VPS13A: variants seen among roughly 807,000 people sequenced by gnomAD.
VPS13A encodes the protein intermembrane lipid transfer protein VPS13A.
In VPS13A, 264 loss-of-function variants were observed where a neutral mutation model predicts 390.9. The ratio of observed to expected loss-of-function variants is 0.68; its 90% CI spans 0.61 to 0.75. The LOEUF is 0.75. VPS13A is among the 30% of genes least tolerant of loss of function. VPS13A has a pLI of 0.00. For synonymous variants in VPS13A, 1,231 were observed against 1,227.1 expected, an observed-to-expected ratio of 1.00 and a Z score of -0.07; for missense variants, 3,409 against 3,733.9, an observed-to-expected ratio of 0.91 and a Z score of 2.27.
intron 71 of VPS13A, among the ~76,000 whole-genome samples, chr9:77,411,028 T>A (rs1342558912): frequency 7.2e-5 from 11 of 152,150 alleles, no homozygotes; most frequent in Non-Finnish European, 1.2e-4. Flanking sequence ...AATTGACCAC[T>A]TAGTTGGAAG....
intron 70 of VPS13A, among the ~76,000 whole-genome samples, chr9:77,406,927 G>A (rs539298763): frequency 6.6e-6 from 1 of 152,166 alleles, no homozygotes; most frequent in African/African-American, 2.4e-5. Flanking sequence ...TATCTGCTCT[G>A]AGACAGTCCC....
In VPS13A at chr9:77,318,596, G is replaced by C; in HGVS notation, c.5313+5G>C. On this transcript the variant is annotated splice_donor_5th_base_variant and intron_variant, in intron 41 of 71. Transcript: ENST00000360280. Reference sequence around the variant, plus strand: ...CACTGTCAGCTTGAGCTAGAAGTAAGCATATTTTTCCAGTTTTATAACAGA... The same window carrying C: ...CACTGTCAGCTTGAGCTAGAAGTAACCATATTTTTCCAGTTTTATAACAGA... 1 of 1,607,894 alleles carries C rather than the reference G, an allele frequency of 6.2e-7. No homozygotes were observed. Among genetic ancestry groups the C allele is most frequent in the Non-Finnish European group, 8.5e-7 (1 of 1,174,704 alleles).
intron 9 of VPS13A, 76 bp downstream of exon 9, chr9:77,213,390 T>C: frequency 8.3e-7 from 1 of 1,204,154 alleles, no homozygotes; most frequent in Admixed American, 1.8e-5. Flanking sequence ...ATTTATCTAA[T>C]ATACTGTAGT....
At chr9:77,207,241 A>AGG (rs1455995422) in intron 5 of VPS13A, among the ~76,000 whole-genome samples, 1 of 110,884 alleles carries the variant, frequency 9.0e-6, no homozygotes, top group Non-Finnish European at 1.9e-5. Flanking sequence ...ATATATATAT[A>AGG]TATATATATA....
intron 67 of VPS13A, 71 bp downstream of exon 67, chr9:77,371,220 T>G (rs991189617): frequency 6.9e-6 from 11 of 1,600,132 alleles, no homozygotes; most frequent in Non-Finnish European, 9.4e-6. Flanking sequence ...ATCTGCTCTT[T>G]GGCTTCAGGC....
intron 32 of VPS13A, among the ~76,000 whole-genome samples, chr9:77,295,050 A>T (rs571281676): frequency 2.0e-5 from 3 of 152,074 alleles, no homozygotes; most frequent in South Asian, 4.1e-4. Context: ...TAAAATGTTA[A>T]TTTTTTCTTT....
intron 1 of VPS13A, among the ~76,000 whole-genome samples, chr9:77,189,421 G>T (rs1255433346): frequency 6.6e-6 from 1 of 151,918 alleles, no homozygotes; most frequent in Non-Finnish European, 1.5e-5. Context: ...TAGGTGTCTG[G>T]CTTTATTTCT....
rs1285054675 is a variant in VPS13A at position 77,225,953 on chromosome 9, A to C, written c.1189A>C (p.Asn397His). 11 of 1,612,152 alleles carry C rather than the reference A, an allele frequency of 6.8e-6. No homozygotes were observed. Among genetic ancestry groups the C allele is most frequent in the Non-Finnish European group, 9.3e-6 (11 of 1,179,172 alleles). Reference protein sequence around the residue: ...EELEKTLDVFNITIARQTAEV... With the variant: ...EELEKTLDVFHITIARQTAEV... ...GTTGGAAAAAACCTTGGATGTCTTT[A>C]ATATAACTATAGCTAGACAGACGGC... Residue 397 changes from asparagine (N) to histidine (H), a missense_variant, in exon 14 of 72, where the codon AAT (asparagine) becomes CAT (histidine). Coordinates refer to ENST00000360280, the MANE Select transcript of VPS13A (RefSeq NM_033305.3).
At chr9:77,213,169 C>T in intron 8 of VPS13A, 65 bp from the exon 9 acceptor site, 1 of 1,560,896 alleles carries the variant, frequency 6.4e-7, no homozygotes, top group Non-Finnish European at 8.8e-7. Flanking sequence ...TTTGAGACTT[C>T]TGAAAATAGT....
rs191063675 is a variant in VPS13A at position 77,327,719 on chromosome 9, T to C, written c.5992-4291T>C. On this transcript the variant is annotated intron_variant, in intron 45 of 71. Coordinates refer to ENST00000360280, the MANE Select transcript of VPS13A (RefSeq NM_033305.3). ...TGCTACTTACTGGATGAGATAATCT[T>C]CATACTTTTCTCTCTAAAGAAAATT... Among the ~76,000 whole-genome samples the C allele has an allele frequency of 4.3e-3, 652 of 152,218 alleles. 4 individuals carry two copies. Among genetic ancestry groups the C allele is most frequent in the South Asian group, 0.01 (49 of 4,822 alleles).
At chr9:77,187,827 T>A (rs1042982325) in intron 1 of VPS13A, among the ~76,000 whole-genome samples, 2 of 152,152 alleles carry the variant, frequency 1.3e-5, no homozygotes, top group African/African-American at 4.8e-5. Flanking sequence ...GAGAGCATAG[T>A]ACCCGATAGA....
intron 33 of VPS13A, among the ~76,000 whole-genome samples, chr9:77,297,425 T>C (rs1303970500): frequency 6.6e-6 from 1 of 152,066 alleles, no homozygotes; most frequent in Admixed American, 6.6e-5. Flanking sequence ...CCCCTCCCTG[T>C]ACCATGGCCT....
Position 77,366,778 on chromosome 9 carries a change from A to G in VPS13A, c.8377A>G (p.Lys2793Glu). The change falls in exon 61 of 72, where the codon AAA becomes GAA. Residue 2793 changes from lysine to glutamate, a missense_variant. Lys to Glu is a moderately conservative substitution (Grantham distance 56). Around this residue, in one of 5 missense-constraint regions of VPS13A, gnomAD observed 123 missense variants for 118.7 expected, o/e 1.04. Transcript: ENST00000360280. ...CGGCAGAGAAGAAGCTAAAGATTCA[A>G]AACAAAATGGAGGACTGATTCCAGT... ...SSGREEAKDS[K>E]QNGGLIPVHS... 6.2e-7 allele frequency: 1 copy of G among 1,613,386 alleles called. No homozygotes were observed. The highest frequency in any genetic ancestry group is 1.3e-5 in the African/African-American group (1 of 75,032).
At chr9:77,207,420 T>C (rs1825745481) in intron 5 of VPS13A, among the ~76,000 whole-genome samples, 1 of 150,414 alleles carries the variant, frequency 6.6e-6, no homozygotes, top group Non-Finnish European at 1.5e-5. Context: ...CACATCCTTT[T>C]ATGATGTACT....
Position 77,210,652 on chromosome 9 carries a change from T to C in VPS13A, c.532T>C (p.Ser178Pro). The C allele has an allele frequency of 6.2e-7, 1 of 1,613,902 alleles. No homozygotes were observed. The highest frequency in any genetic ancestry group is 8.5e-7 in the Non-Finnish European group (1 of 1,179,998). The change falls in exon 7 of 72, where the codon TCC becomes CCC. Residue 178 changes from serine to proline, a missense_variant. Ser to Pro is a moderately conservative substitution (Grantham distance 74). This residue lies in a region of VPS13A where 2,717 missense variants were observed against 2,917.4 expected (regional missense o/e 0.93). Coordinates refer to ENST00000360280, the MANE Select transcript of VPS13A (RefSeq NM_033305.3). ...GGACAAACCGCTGTCATTTGGTATTTCCCTTCAAAATCTGAGCATGCAGGT... is the reference window on the plus strand; with the variant it reads ...GGACAAACCGCTGTCATTTGGTATTCCCCTTCAAAATCTGAGCATGCAGGT... ...NRDKPLSFGI[S>P]LQNLSMQTTD...
At chr9:77,200,820 A>T (rs1825290096) in intron 2 of VPS13A, among the ~76,000 whole-genome samples, 1 of 152,132 alleles carries the variant, frequency 6.6e-6, no homozygotes, top group South Asian at 2.1e-4. Flanking sequence ...TAAGAGTTGT[A>T]TAGTTTTAGC....
chr9:77,233,994 C>G (rs1158271028), intron 17 of VPS13A, among the ~76,000 whole-genome samples: 1 of 152,056 alleles, frequency 6.6e-6, no homozygotes, highest in Non-Finnish European at 1.5e-5. Flanking sequence ...ATTGAAATTT[C>G]TAAGTGTTAT....
At chr9:77,377,913 ATTAAG>A (rs1305609199) in intron 67 of VPS13A, among the ~76,000 whole-genome samples, 4 of 152,170 alleles carry the variant, frequency 2.6e-5, no homozygotes, top group African/African-American at 7.2e-5. Flanking sequence ...TTTCTGTATA[ATTAAG>A]TTGATAGTTG....
At chr9:77,197,705 A>G (rs1156996431) in intron 1 of VPS13A, among the ~76,000 whole-genome samples, 1 of 152,212 alleles carries the variant, frequency 6.6e-6, no homozygotes, top group Non-Finnish European at 1.5e-5. Flanking sequence ...GTCTAACACA[A>G]AATTCATTTA....
Sources: gnomAD v4.1 joint callset for allele counts (sites outside exome capture counted in the v4.1 genomes callset) on GRCh38, gnomAD v4.1.1 for gene constraint, gnomAD v4.1.1 regional missense constraint, MANE v1.5 for transcripts, NCBI Gene and HGNC (gene_info 2026-07-23, HGNC 2026-07-21) for gene names.